The following PAXBP1 variants were observed in gnomAD, a reference collection of about 807,000 sequenced individuals.
The protein encoded by PAXBP1 is PAX3- and PAX7-binding protein 1.
PAXBP1 carries 44 observed loss-of-function variants against 119.9 expected under a neutral mutation model. That is an observed-to-expected ratio of 0.37 (90% CI 0.29 to 0.47). PAXBP1 has a LOEUF of 0.47. Ranked by LOEUF, PAXBP1 falls within the 20% of genes least tolerant of loss-of-function variation. The pLI is 0.99. For missense variants in PAXBP1, 898 were observed against 1,134.1 expected (o/e 0.79, Z 2.99); for synonymous variants, 393 against 406.6 (o/e 0.97, Z 0.40).
chr21:32,770,991 G>A (rs1413167315), intron 1 of PAXBP1, among the ~76,000 whole-genome samples: 1 of 152,250 alleles, frequency 6.6e-6, no homozygotes, highest in African/African-American at 2.4e-5. Flanking sequence ...GCCAAGAGCA[G>A]CCAGGGGACC....
At chr21:32,759,735 G>C in intron 6 of PAXBP1, 42 bp downstream of exon 6, 4 of 1,528,848 alleles carry the variant, frequency 2.6e-6, no homozygotes, top group Non-Finnish European at 3.6e-6. Flanking sequence ...TGAGGGAACA[G>C]AAAGCTAGCG....
intron 9 of PAXBP1, 34 bp from the exon 10 acceptor site, chr21:32,751,066 A>C: frequency 6.2e-7 from 1 of 1,612,452 alleles, no homozygotes; most frequent in Non-Finnish European, 8.5e-7. Flanking sequence ...CAAACTAGAT[A>C]ACAGAGACTC....
intron 11 of PAXBP1, among the ~76,000 whole-genome samples, chr21:32,747,187 A>G (rs2043886936): frequency 6.6e-6 from 1 of 152,210 alleles, no homozygotes; most frequent in Non-Finnish European, 1.5e-5. Context: ...ACCATGTCAC[A>G]TGTTTACCTA....
rs1181004780 is a variant in PAXBP1 at position 32,741,468 on chromosome 21, C to T, written c.2334+1780G>A. The stretch of plus-strand genomic sequence containing the variant: ...TTAGGTTTAACGAAATATGTACAGG[C>T]ATGCAGAAACATGACTGGACAAAAA... On this transcript the variant is annotated intron_variant, in intron 15 of 17. Coordinates refer to ENST00000331923, the MANE Select transcript of PAXBP1 (RefSeq NM_016631.4). 5.4e-6 allele frequency: 4 copies of T among 746,408 alleles called. 1 individual carries two copies. The East Asian group carries it at 9.9e-5, about 18-fold the overall frequency. 46.2% of individuals were successfully genotyped at this position (746,408 alleles called of 1,614,324 possible).
intron 15 of PAXBP1, among the ~76,000 whole-genome samples, chr21:32,740,787 T>C (rs531441286): frequency 6.6e-6 from 1 of 152,042 alleles, no homozygotes; most frequent in Admixed American, 6.5e-5. Flanking sequence ...TATGGAAGAC[T>C]ATTAGAATGG....
At chr21:32,736,797 C>CACT (rs1179243773) in intron 17 of PAXBP1, among the ~76,000 whole-genome samples, 2 of 152,302 alleles carry the variant, frequency 1.3e-5, no homozygotes, top group East Asian at 3.9e-4. Context: ...GCTAATGGTT[C>CACT]ACTCACTCTT....
chr21:32,752,455 G>A (rs930141320), intron 8 of PAXBP1, among the ~76,000 whole-genome samples: 1 of 152,150 alleles, frequency 6.6e-6, no homozygotes, highest in African/African-American at 2.4e-5. Flanking sequence ...CTGGGTGAGA[G>A]GGGAGGGAGG....
At chr21:32,758,467 TA>T (rs2044079152) in intron 7 of PAXBP1, among the ~76,000 whole-genome samples, 1 of 151,732 alleles carries the variant, frequency 6.6e-6, no homozygotes, top group Non-Finnish European at 1.5e-5. Flanking sequence ...ATGTAAACAA[TA>T]AATAGTATAA....
rs1231230628 is a variant in PAXBP1 at position 32,743,736 on chromosome 21, A to T, written c.2209T>A (p.Leu737Ile). ...TCTAAAGTTCTTCTCATTCTCAATA[A>T]AAGTGCCTTTAGGTATACCTAAAAA... ...KNTQVYLKAL[L>I]LRMRRTLDDD... The change falls in exon 14 of 18, where the codon TTA becomes ATA. Residue 737 changes from leucine (L) to isoleucine (I), a missense_variant. This residue lies in a region of PAXBP1 where 599 missense variants were observed against 852.7 expected (regional missense o/e 0.70). Coordinates refer to ENST00000331923, the MANE Select transcript of PAXBP1 (RefSeq NM_016631.4). 1.3e-6 allele frequency: 2 copies of T among 1,593,610 alleles called. No individual in the cohort carries two copies. Among genetic ancestry groups the T allele is most frequent in the Non-Finnish European group, 8.6e-7 (1 of 1,165,640 alleles).
At chr21:32,761,223 G>A in intron 4 of PAXBP1, 61 bp from the exon 5 acceptor site, 4 of 1,284,004 alleles carry the variant, frequency 3.1e-6, no homozygotes, top group South Asian at 1.2e-5. Context: ...GGTAAAAGAT[G>A]CTGTCCTGAC....
Position 32,771,639 on chromosome 21 carries a change from C to A in PAXBP1, c.30G>T (p.Val10=). 1 of 1,448,132 alleles carries A rather than the reference C, an allele frequency of 6.9e-7. No individual in the cohort carries two copies. 89.7% of individuals were successfully genotyped at this position (1,448,132 alleles called of 1,614,324 possible). The change falls in exon 1 of 18, where the codon GTG becomes GTT. Residue 10 remains valine, a synonymous_variant. Transcript: ENST00000331923. MFRKARRVN[V]RKRNDSEEEE... ...CCTCTTCGGAGTCGTTCCGCTTGCG[C>A]ACGTTCACCCGCCGGGCCTTTCGGA...
intron 2 of PAXBP1, among the ~76,000 whole-genome samples, chr21:32,768,150 G>A (rs1390430953): frequency 6.6e-6 from 1 of 151,570 alleles, no homozygotes; most frequent in African/African-American, 2.4e-5. Context: ...GAAGGTGAAT[G>A]CCATTATCCC....
intron 15 of PAXBP1, among the ~76,000 whole-genome samples, chr21:32,739,386 T>G (rs2043740363): frequency 6.6e-6 from 1 of 152,052 alleles, no homozygotes; most frequent in African/African-American, 2.4e-5. Flanking sequence ...ATCAGTAAAG[T>G]GAAAAAACAG....
intron 8 of PAXBP1, among the ~76,000 whole-genome samples, chr21:32,753,278 G>A (rs1601597031): frequency 6.6e-6 from 1 of 151,896 alleles, no homozygotes; most frequent in East Asian, 1.9e-4. Flanking sequence ...CCAACATGGT[G>A]AAACCCCGTC....
At position 32,744,891 on chromosome 21, in the gene PAXBP1, G is replaced by A; in HGVS notation, c.2091C>T (p.Asp697=). The stretch of plus-strand genomic sequence containing the variant: ...TTGAAGTCTGTGTTGTAGAAAAAGG[G>A]TCCCACATATTTTCAGCTATCACTA... The part of the protein sequence containing the change: ...KLTVIAENMW[D]PFSTTQTSRM... The change falls in exon 13 of 18, where the codon GAC becomes GAT. Residue 697 remains aspartate, a synonymous_variant. Coordinates refer to ENST00000331923, the MANE Select transcript of PAXBP1 (RefSeq NM_016631.4). 6.2e-7 allele frequency: 1 copy of A among 1,600,394 alleles called. No individual in the cohort carries two copies. Among genetic ancestry groups the A allele is most frequent in the Non-Finnish European group, 8.5e-7 (1 of 1,175,686 alleles).
rs770734086 is a variant in PAXBP1 at position 32,771,384 on chromosome 21, A to G, written c.285T>C (p.Pro95=). 6.3e-7 allele frequency: 1 copy of G among 1,580,658 alleles called. No individual in the cohort carries two copies. Among genetic ancestry groups the G allele is most frequent in the South Asian group, 1.1e-5 (1 of 90,370 alleles). ...CCCGGGGCACCTCTTTGTTCTCGCG[A>G]GGCCTCTTGCGCGGCTTCAGCCCGT... ...PGNGLKPRKR[P]RENKEVPRAS... Residue 95 remains proline (P), a synonymous_variant, in exon 1 of 18, where the codon CCT becomes CCC. Coordinates refer to ENST00000331923, the MANE Select transcript of PAXBP1 (RefSeq NM_016631.4).
intron 15 of PAXBP1, chr21:32,742,886 G>GTA (rs2043809793): frequency 7.2e-6 from 3 of 418,020 alleles, no homozygotes; most frequent in South Asian, 5.5e-5. Context: ...GGAAAAAACA[G>GTA]TATATATAGG....
At chr21:32,747,349 G>A (rs913635413) in intron 11 of PAXBP1, among the ~76,000 whole-genome samples, 4 of 152,198 alleles carry the variant, frequency 2.6e-5, no homozygotes, top group African/African-American at 9.7e-5. Flanking sequence ...GGACAGCAGA[G>A]CAGTTTTGCT....
chr21:32,751,337 A>G (rs1569160122), intron 8 of PAXBP1, 119 bp from the exon 9 acceptor site: 3 of 838,116 alleles, frequency 3.6e-6, no homozygotes, highest in East Asian at 5.4e-5. Flanking sequence ...AGATTCTGCA[A>G]TAACTGGTAA....
Sources: allele counts gnomAD v4.1 joint callset (sites outside exome capture counted in the v4.1 genomes callset), GRCh38; gene constraint gnomAD v4.1.1; regional missense constraint gnomAD v4.1.1; transcripts MANE v1.5; gene names NCBI Gene and HGNC (gene_info 2026-07-23, HGNC 2026-07-21).